NRSN1: variants seen among roughly 807,000 people sequenced by gnomAD.
NRSN1 encodes the protein neurensin-1.
Under a neutral mutation model 17.3 loss-of-function variants are expected in NRSN1, and 14 were observed. The observed-to-expected ratio is 0.81, with a 90% confidence interval of 0.54 to 1.27. The LOEUF is 1.27. Ranked by LOEUF, NRSN1 falls within the 50% of genes most tolerant of loss-of-function variation. The pLI, the probability that NRSN1 is intolerant of heterozygous loss-of-function variation, is 0.00. For missense variants in NRSN1, 209 were observed against 235.9 expected (o/e 0.89, Z 0.75); for synonymous variants, 79 against 94.2 (o/e 0.84, Z 0.93).
At chr6:24,132,609 TCAAA>T (rs1287753744) in intron 2 of NRSN1, among the ~76,000 whole-genome samples, 1 of 152,246 alleles carries the variant, frequency 6.6e-6, no homozygotes, top group Non-Finnish European at 1.5e-5. Context: ...TCATTTATAT[TCAAA>T]CAGTGTGGCA....
chr6:24,139,592 T>C (rs1760169952), intron 3 of NRSN1, among the ~76,000 whole-genome samples: 1 of 152,174 alleles, frequency 6.6e-6, no homozygotes, highest in African/African-American at 2.4e-5. Flanking sequence ...TTTGGGACAT[T>C]TTTCTGTAGA....
intron 3 of NRSN1, chr6:24,141,104 G>A (rs1056378897): frequency 2.2e-6 from 3 of 1,375,680 alleles, no homozygotes; most frequent in Admixed American, 3.2e-5. Flanking sequence ...GCCTGGAGGA[G>A]GACCCTTCCA....
intron 3 of NRSN1, among the ~76,000 whole-genome samples, chr6:24,137,598 T>G (rs942367325): frequency 6.6e-6 from 1 of 152,016 alleles, no homozygotes; most frequent in Non-Finnish European, 1.5e-5. Flanking sequence ...TTGTTACACA[T>G]GTATACATGT....
intron 3 of NRSN1, among the ~76,000 whole-genome samples, chr6:24,144,775 A>G (rs1289774963): frequency 6.6e-6 from 1 of 151,972 alleles, no homozygotes; most frequent in Non-Finnish European, 1.5e-5. Context: ...CAGAATGAGC[A>G]TGTGTTAATG....
In NRSN1 at chr6:24,145,250, A is replaced by ATT. The variant is rs1038335753; in HGVS notation, c.190-297_190-296dup. ...ATATATATCTTTAGATAATATAAAGATTATATATATATCTTTAGATATACA... is the reference window on the plus strand; with the variant it reads ...ATATATATCTTTAGATAATATAAAGATTTTATATATATATCTTTAGATATACA... On this transcript the variant is annotated intron_variant, in intron 3 of 3. Coordinates refer to ENST00000378491, the MANE Select transcript of NRSN1 (RefSeq NM_080723.5). The surrounding 1 kb of genome is among the most constrained non-coding windows in gnomAD (Gnocchi z 4.4). 2.1e-5 allele frequency among the ~76,000 whole-genome samples: 3 copies of ATT among 144,702 alleles called. No individual in the cohort carries two copies. Among genetic ancestry groups the ATT allele is most frequent in the African/African-American group, 5.0e-5 (2 of 40,324 alleles). 94.9% of individuals were successfully genotyped at this position (144,702 alleles called of 152,430 possible).
At chr6:24,141,184 T>C in intron 3 of NRSN1, 1 of 1,265,482 alleles carries the variant, frequency 7.9e-7, no homozygotes, top group East Asian at 3.1e-5. Context: ...AAACAACCTC[T>C]GCATTGCAAT....
Position 24,145,714 on chromosome 6 carries a change from G to A in NRSN1, c.356G>A (p.Gly119Glu). Reference protein sequence around the residue: ...NSALDMYKLAGAVLFCIGGTS... With the variant: ...NSALDMYKLAEAVLFCIGGTS... ...GCTCTGGACATGTACAAGCTGGCAG[G>A]AGCTGTTCTCTTCTGCATTGGAGGC... Residue 119 changes from glycine (G) to glutamate (E), a missense_variant, in exon 4 of 4, where the codon GGA (glycine) becomes GAA (glutamate). Transcript: ENST00000378491. This position sits in a 1 kb window ranked among gnomAD's most constrained non-coding sequence, Gnocchi z 4.4. 1 of 1,614,194 alleles carries A rather than the reference G, an allele frequency of 6.2e-7. No individual in the cohort carries two copies. The highest frequency in any genetic ancestry group is 1.3e-5 in the African/African-American group (1 of 75,058).
chr6:24,133,753 T>A (rs1016513180), intron 2 of NRSN1, among the ~76,000 whole-genome samples: 2 of 152,256 alleles, frequency 1.3e-5, no homozygotes, highest in Non-Finnish European at 2.9e-5. Flanking sequence ...TTTATGGAGA[T>A]GCAGTTCTAG....
chr6:24,135,908 C>T (rs1760112397), intron 3 of NRSN1, among the ~76,000 whole-genome samples: 1 of 152,142 alleles, frequency 6.6e-6, no homozygotes, highest in African/African-American at 2.4e-5. Context: ...TGCCTAAGGT[C>T]TTCCTTAATC....
At chr6:24,144,684 G>T (rs987269294) in intron 3 of NRSN1, among the ~76,000 whole-genome samples, 2 of 152,104 alleles carry the variant, frequency 1.3e-5, no homozygotes, top group African/African-American at 2.4e-5. Flanking sequence ...GTATTTTGTG[G>T]TTTTTACAAG....
chr6:24,144,704 T>C (rs1225927182), intron 3 of NRSN1, among the ~76,000 whole-genome samples: 1 of 152,144 alleles, frequency 6.6e-6, no homozygotes, highest in African/African-American at 2.4e-5. Context: ...GGACCTTGTT[T>C]TTGTCTGTGC....
rs1203346139 is a variant in NRSN1, at chr6:24,146,643, T to C, written c.*697T>C. ...CTCCCACCTCAGCCTCCCAAGTAGCTGGGACTACAGGCACCTGCCACCACC... is the reference window on the plus strand; with the variant it reads ...CTCCCACCTCAGCCTCCCAAGTAGCCGGGACTACAGGCACCTGCCACCACC... On this transcript the variant is annotated 3_prime_UTR_variant, in exon 4 of 4. Transcript: ENST00000378491. 2 of 155,796 alleles carry C rather than the reference T, an allele frequency of 1.3e-5. No homozygotes were observed. Among genetic ancestry groups the C allele is most frequent in the African/African-American group, 4.8e-5 (2 of 41,464 alleles). The allele number at this position is 155,796 out of a possible 1,614,324, so 9.7% of individuals were successfully genotyped here. A position where few individuals can be genotyped will look rare whatever the true frequency, so the allele number is the denominator to read the frequency against.
At position 24,126,226 on chromosome 6, in the gene NRSN1, G is replaced by A. The variant is rs542822710; in HGVS notation, c.-197G>A. The A allele has an allele frequency of 1.2e-3, 221 of 188,754 alleles. 1 individual carries two copies. Among genetic ancestry groups the A allele is most frequent in the African/African-American group, 4.9e-3 (203 of 41,468 alleles). 11.7% of individuals were successfully genotyped at this position (188,754 alleles called of 1,614,324 possible). A position where few individuals can be genotyped will look rare whatever the true frequency, so the allele number is the denominator to read the frequency against. On this transcript the variant is annotated 5_prime_UTR_variant, in exon 1 of 4. Transcript: ENST00000378491. ...CGGGACTCCCAGCTGTCAATCAGGC[G>A]CGGGCTGAGCTCTACGAGGCGGAGC...
At chr6:24,126,984 G>A (rs1409667176) in intron 1 of NRSN1, among the ~76,000 whole-genome samples, 2 of 152,226 alleles carry the variant, frequency 1.3e-5, no homozygotes, top group African/African-American at 2.4e-5. Context: ...CTCCTTGGGC[G>A]CCACATCAGG....
intron 3 of NRSN1, among the ~76,000 whole-genome samples, chr6:24,137,106 C>T (rs1027044904): frequency 1.3e-5 from 2 of 152,170 alleles, no homozygotes; most frequent in South Asian, 4.1e-4. Flanking sequence ...CTTCTCCTTT[C>T]CCTGCTTCCA....
At chr6:24,144,740 G>A (rs1760273881) in intron 3 of NRSN1, among the ~76,000 whole-genome samples, 1 of 152,122 alleles carries the variant, frequency 6.6e-6, no homozygotes, top group Non-Finnish European at 1.5e-5. Context: ...AAGGGCTACT[G>A]TTTTGTCTCA....
chr6:24,132,934 C>T (rs1242336475), intron 2 of NRSN1, among the ~76,000 whole-genome samples: 2 of 152,176 alleles, frequency 1.3e-5, no homozygotes, highest in East Asian at 3.9e-4. Flanking sequence ...AATCCAAACA[C>T]GTATTTCACA....
chr6:24,137,839 G>A (rs933637415), intron 3 of NRSN1, among the ~76,000 whole-genome samples: 5 of 152,048 alleles, frequency 3.3e-5, no homozygotes. Context: ...TGCAGACTAG[G>A]GAAGAAATGG....
intron 1 of NRSN1, among the ~76,000 whole-genome samples, chr6:24,126,965 C>T (rs909476517): frequency 3.3e-5 from 5 of 152,170 alleles, no homozygotes; most frequent in Non-Finnish European, 5.9e-5. Context: ...TTTTCAGAAC[C>T]TTGGAGAGCT....
Sources: allele counts gnomAD v4.1 joint callset (sites outside exome capture counted in the v4.1 genomes callset), GRCh38; gene constraint gnomAD v4.1.1; non-coding constraint Gnocchi (gnomAD v3.1); transcripts MANE v1.5; gene names NCBI Gene and HGNC (gene_info 2026-07-23, HGNC 2026-07-21).